The following WDR91 variants were observed in gnomAD, a reference collection of about 807,000 sequenced individuals.
WDR91 encodes the protein WD repeat-containing protein 91.
In WDR91, 52 loss-of-function variants were observed where a neutral mutation model predicts 88.4. The observed-to-expected ratio is 0.59, with a 90% CI of 0.47 to 0.74. The LOEUF is 0.74. WDR91 is among the 30% of genes least tolerant of loss of function. The probability of loss-of-function intolerance (pLI) is 0.00; values close to 1 mark genes in which losing one functional copy is unlikely to be tolerated. For synonymous variants in WDR91, 362 were observed against 389.5 expected (o/e 0.93, Z 0.83); for missense variants, 824 against 954.5 (o/e 0.86, Z 1.80).
rs1231276363 is a variant in WDR91, at chr7:135,197,779, C to T, written c.1050+214G>A. 5.5e-6 allele frequency: 3 copies of T among 550,082 alleles called. No homozygotes were observed. In the African/African-American group the frequency reaches 5.7e-5, roughly 10 times the overall value. 34.1% of individuals were successfully genotyped at this position (550,082 alleles called of 1,614,324 possible). ...TCTAGAGGCCTGCATTTTCTGGCCC[C>T]TACTTAGGGAAATGCTGCATGGGAG... On this transcript the variant is annotated intron_variant, in intron 7 of 14. Transcript: ENST00000354475.
intron 4 of WDR91, among the ~76,000 whole-genome samples, chr7:135,206,450 TA>T (rs1831787778): frequency 6.6e-6 from 1 of 151,690 alleles, no homozygotes; most frequent in African/African-American, 2.4e-5. Flanking sequence ...ACAGCGTTTT[TA>T]ACCTTTTGCC....
intron 2 of WDR91, 72 bp downstream of exon 2, chr7:135,209,504 G>A (rs1831934937): frequency 1.4e-6 from 2 of 1,412,156 alleles, no homozygotes; most frequent in South Asian, 3.1e-5. Flanking sequence ...CCTAGGAACT[G>A]GAAGAAAATC....
At chr7:135,194,365 C>T (rs1005314444) in intron 9 of WDR91, among the ~76,000 whole-genome samples, 1 of 152,058 alleles carries the variant, frequency 6.6e-6, no homozygotes, top group African/African-American at 2.4e-5. Context: ...CTTCAGCTGC[C>T]AAAAATTATA....
At chr7:135,209,524 A>G in intron 2 of WDR91, 52 bp downstream of exon 2, 2 of 1,468,010 alleles carry the variant, frequency 1.4e-6, no homozygotes, top group South Asian at 1.5e-5. Flanking sequence ...CTATTTTGGG[A>G]TCAAAGAGCT....
At chr7:135,195,198 C>G in intron 8 of WDR91, 114 bp from the exon 9 acceptor site, 1 of 1,107,888 alleles carries the variant, frequency 9.0e-7, no homozygotes, top group East Asian at 2.6e-5. Context: ...AAAACAATCC[C>G]TAGAGGTCTA....
chr7:135,208,843 G>A lies in WDR91; in HGVS notation c.459C>T (p.Asp153=). Residue 153 remains aspartate, a synonymous_variant, in exon 3 of 15, where the codon GAC becomes GAT. Coordinates refer to ENST00000354475, the MANE Select transcript of WDR91 (RefSeq NM_014149.4). ...AGTTGTGCAGGGACACAATGAAGGTGTCAGCCCACTGTCGAGAAAAGTAGG... is the reference window on the plus strand; with the variant it reads ...AGTTGTGCAGGGACACAATGAAGGTATCAGCCCACTGTCGAGAAAAGTAGG... The part of the protein sequence containing the change: ...FATYFSRQWA[D]TFIVSLHNFL... 6.2e-7 allele frequency: 1 copy of A among 1,614,086 alleles called. No individual in the cohort carries two copies. The highest frequency in any genetic ancestry group is 8.5e-7 in the Non-Finnish European group (1 of 1,179,958).
intron 11 of WDR91, among the ~76,000 whole-genome samples, chr7:135,192,118 T>TG (rs55787523): frequency 0.3 from 40,968 of 137,962 alleles, 7,361 homozygotes; most frequent in East Asian, 0.54. Context: ...GTTTTTTTTT[T>TG]TTTTTTTTTT....
intron 7 of WDR91, 123 bp downstream of exon 7, chr7:135,197,870 C>A: frequency 2.4e-6 from 3 of 1,263,544 alleles, no homozygotes; most frequent in Non-Finnish European, 3.3e-6. Context: ...CCATTGAAAC[C>A]AATTAAGCAA....
chr7:135,193,784 C>T, intron 9 of WDR91, 112 bp from the exon 10 acceptor site: 2 of 821,938 alleles, frequency 2.4e-6, no homozygotes, highest in Non-Finnish European at 4.0e-6. Context: ...GGCCCCTCCT[C>T]TACGCATCCA....
chr7:135,204,046 T>A (rs1585431050), intron 6 of WDR91, among the ~76,000 whole-genome samples: 1 of 152,210 alleles, frequency 6.6e-6, no homozygotes, highest in African/African-American at 2.4e-5. Flanking sequence ...TGCTACAGTC[T>A]AATCTAGATT....
At chr7:135,204,170 G>A in intron 6 of WDR91, 98 bp downstream of exon 6, 1 of 1,407,432 alleles carries the variant, frequency 7.1e-7, no homozygotes, top group Non-Finnish European at 9.6e-7. Context: ...GTCCTAAAAG[G>A]AGGGCAAACA....
chr7:135,191,013 A>G (rs1831143366), intron 11 of WDR91, among the ~76,000 whole-genome samples: 1 of 152,240 alleles, frequency 6.6e-6, no homozygotes, highest in Non-Finnish European at 1.5e-5. Context: ...ATTAATTTCA[A>G]AAGTTAAGAA....
At chr7:135,192,906 T>C (rs1394404013) in intron 11 of WDR91, among the ~76,000 whole-genome samples, 2 of 152,152 alleles carry the variant, frequency 1.3e-5, no homozygotes, top group African/African-American at 4.8e-5. Flanking sequence ...TCTGTATGTG[T>C]CCTTGCTACT....
At chr7:135,208,714 G>T in intron 3 of WDR91, 77 bp downstream of exon 3, 1 of 1,345,638 alleles carries the variant, frequency 7.4e-7, no homozygotes, top group South Asian at 1.5e-5. Context: ...ATGCCTGTAT[G>T]GAGACCAGCG....
intron 6 of WDR91, among the ~76,000 whole-genome samples, chr7:135,201,732 T>C (rs951162485): frequency 7.9e-5 from 12 of 152,242 alleles, no homozygotes; most frequent in African/African-American, 2.9e-4. Context: ...ACATGCTTAA[T>C]ATGCACTTAC....
intron 9 of WDR91, 70 bp from the exon 10 acceptor site, chr7:135,193,742 AG>A: frequency 2.2e-6 from 3 of 1,393,052 alleles, no homozygotes; most frequent in Non-Finnish European, 2.0e-6. Flanking sequence ...GGATCTCCAG[AG>A]GGGGTGAGGC....
intron 6 of WDR91, among the ~76,000 whole-genome samples, chr7:135,202,782 C>A (rs1017706957): frequency 6.6e-6 from 1 of 152,148 alleles, no homozygotes; most frequent in Non-Finnish European, 1.5e-5. Context: ...ACAACTTACT[C>A]GGCCACACTC....
rs1352832076 is a variant in WDR91, at chr7:135,186,186, T to C, written c.2209A>G (p.Ile737Val). ...TGGGCCAGGAGGGTGGTCAGCTTGA[T>C]CTTGCCATCCATGGAGGCGGTGAGG... ...TCLTASMDGK[I>V]KLTTLLAHKA The change falls in exon 15 of 15, where the codon ATC (isoleucine) becomes GTC (valine). Residue 737 changes from isoleucine (I) to valine (V), a missense_variant. Coordinates refer to ENST00000354475, the MANE Select transcript of WDR91 (RefSeq NM_014149.4). 6.2e-7 allele frequency: 1 copy of C among 1,607,224 alleles called. No homozygotes were observed. The highest frequency in any genetic ancestry group is 8.5e-7 in the Non-Finnish European group (1 of 1,177,278).
chr7:135,206,649 TA>T (rs1831796664), intron 4 of WDR91, among the ~76,000 whole-genome samples: 1 of 152,032 alleles, frequency 6.6e-6, no homozygotes, highest in Non-Finnish European at 1.5e-5. Flanking sequence ...TTTATCAAAC[TA>T]GAGAAGCATA....
Sources: gnomAD v4.1 joint callset for allele counts (sites outside exome capture counted in the v4.1 genomes callset) on GRCh38, gnomAD v4.1.1 for gene constraint, MANE v1.5 for transcripts, NCBI Gene and HGNC (gene_info 2026-07-23, HGNC 2026-07-21) for gene names.